Variants in TAF2 observed in about 807,000 individuals in gnomAD.
TAF2 encodes the protein TATA-box binding protein associated factor 2.
TAF2 carries 61 observed loss-of-function variants against 138.5 expected under a neutral mutation model. The observed-to-expected ratio is 0.44, with a 90% confidence interval of 0.36 to 0.54. The LOEUF (loss-of-function observed/expected upper bound fraction) is 0.54. Among genes scored for constraint, TAF2 ranks in the 20% least tolerant of loss-of-function variants. The pLI is 0.00. For synonymous variants in TAF2, 475 were observed against 469.9 expected (o/e 1.01, Z -0.14); for missense variants, 1,090 against 1,427.9 (o/e 0.76, Z 3.81).
In TAF2 at chr8:119,793,395, G is replaced by A. The variant is rs143518133; in HGVS notation, c.1248C>T (p.Pro416=). The change falls in exon 10 of 26, where the codon CCC becomes CCT. Residue 416 remains proline (P), a synonymous_variant. Transcript: ENST00000378164. ...ELKTGGVLLH[P]IFGGGKEKDN... ...CCTTCTCTTTTCCTCCACCAAATAT[G>A]GGATGTAGTAAAACCCCACCAGTTT... 4 of 1,612,676 alleles carry A rather than the reference G, an allele frequency of 2.5e-6. No homozygotes were observed. The African/African-American group carries it at 4.0e-5, about 16-fold the overall frequency.
At chr8:119,821,302 G>A (rs185350428) in intron 2 of TAF2, among the ~76,000 whole-genome samples, 121 of 152,216 alleles carry the variant, frequency 7.9e-4, no homozygotes, top group African/African-American at 2.8e-3. Flanking sequence ...CTCACTCCTT[G>A]CTTCTTGCTC....
At chr8:119,800,665 C>A (rs917056695) in intron 6 of TAF2, among the ~76,000 whole-genome samples, 2 of 152,134 alleles carry the variant, frequency 1.3e-5, no homozygotes, top group Admixed American at 1.3e-4. Context: ...ATTGTTAAGA[C>A]AACGTAAGCA....
At chr8:119,804,598 C>A (rs1824490447) in intron 4 of TAF2, among the ~76,000 whole-genome samples, 1 of 152,204 alleles carries the variant, frequency 6.6e-6, no homozygotes, top group South Asian at 2.1e-4. Flanking sequence ...TGGCAGCCAT[C>A]TGCATAAGAC....
chr8:119,779,591 G>T (rs1822502204), intron 17 of TAF2, among the ~76,000 whole-genome samples: 1 of 152,128 alleles, frequency 6.6e-6, no homozygotes, highest in African/African-American at 2.4e-5. Flanking sequence ...AGACTTCTTT[G>T]ATCACACCAT....
intron 25 of TAF2, among the ~76,000 whole-genome samples, chr8:119,738,025 T>C (rs1819346520): frequency 6.6e-6 from 1 of 151,958 alleles, no homozygotes; most frequent in African/African-American, 2.4e-5. Context: ...GCTCTTAAGT[T>C]TTCACTTATA....
intron 18 of TAF2, among the ~76,000 whole-genome samples, chr8:119,764,785 T>C (rs1002332981): frequency 2.6e-5 from 4 of 152,168 alleles, no homozygotes; most frequent in Non-Finnish European, 5.9e-5. Flanking sequence ...ATAAAACATC[T>C]TCCTCTTCCA....
At chr8:119,808,136 T>C (rs1824791744) in intron 3 of TAF2, among the ~76,000 whole-genome samples, 1 of 152,170 alleles carries the variant, frequency 6.6e-6, no homozygotes, top group Non-Finnish European at 1.5e-5. Flanking sequence ...AGGTAACAAC[T>C]ACAAAGCACA....
chr8:119,819,360 G>A lies in TAF2; in HGVS notation c.285C>T (p.His95=). 6.2e-7 allele frequency: 1 copy of A among 1,612,806 alleles called. No homozygotes were observed. The highest frequency in any genetic ancestry group is 1.1e-5 in the South Asian group (1 of 91,064). Residue 95 remains histidine (H), a synonymous_variant, in exon 3 of 26, where the codon CAC becomes CAT. Transcript: ENST00000378164. The part of the protein sequence containing the change: ...IYNDPTLEVC[H]SESKQRNLNY... Reference sequence around the variant, plus strand: ...GCATAACTTACTGTTTTGATTCACTGTGACAAACTTCCAAGGTTGGGTCAT... The same window carrying A: ...GCATAACTTACTGTTTTGATTCACTATGACAAACTTCCAAGGTTGGGTCAT...
chr8:119,752,675 C>G (rs950049802), intron 22 of TAF2, among the ~76,000 whole-genome samples: 2 of 152,170 alleles, frequency 1.3e-5, no homozygotes, highest in Admixed American at 1.3e-4. Context: ...CAATTTCTCT[C>G]TCGTTGAAAA....
chr8:119,736,925 G>A lies in TAF2; in HGVS notation c.3338-4739C>T, dbSNP rs993315902. Among the ~76,000 whole-genome samples the A allele has an allele frequency of 2.3e-4, 35 of 152,058 alleles. 1 individual carries two copies. Among genetic ancestry groups the A allele is most frequent in the African/African-American group, 7.7e-4 (32 of 41,410 alleles). On this transcript the variant is annotated intron_variant, in intron 25 of 25. Coordinates refer to ENST00000378164, the MANE Select transcript of TAF2 (RefSeq NM_003184.4). Reference sequence around the variant, plus strand: ...AATTAATAAAATACAGACTTGAAAAGCACAGAACAAAACCTAGTTTCTTTA... The same window carrying A: ...AATTAATAAAATACAGACTTGAAAAACACAGAACAAAACCTAGTTTCTTTA...
intron 18 of TAF2, among the ~76,000 whole-genome samples, chr8:119,772,259 A>G (rs1821894043): frequency 6.6e-6 from 1 of 152,226 alleles, no homozygotes; most frequent in Non-Finnish European, 1.5e-5. Flanking sequence ...TGGATTGAAC[A>G]AAGAAAATGT....
intron 25 of TAF2, among the ~76,000 whole-genome samples, chr8:119,738,183 G>A (rs16893071): frequency 0.46 from 70,290 of 151,546 alleles, 16,974 homozygotes; most frequent in African/African-American, 0.58. Context: ...ATGTACGTAT[G>A]TATGTTTTGC....
At chr8:119,736,544 A>T (rs936277623) in intron 25 of TAF2, among the ~76,000 whole-genome samples, 1 of 152,260 alleles carries the variant, frequency 6.6e-6, no homozygotes, top group African/African-American at 2.4e-5. Flanking sequence ...ACAACTCATT[A>T]CTTTGAAAAT....
intron 3 of TAF2, among the ~76,000 whole-genome samples, chr8:119,812,128 ACTGT>A (rs1042677577): frequency 2.6e-5 from 4 of 152,124 alleles, no homozygotes; most frequent in Admixed American, 6.5e-5. Context: ...TTGACACAAA[ACTGT>A]CTGTCAGGGA....
intron 16 of TAF2, 84 bp from the exon 17 acceptor site, chr8:119,781,277 T>C: frequency 6.8e-7 from 1 of 1,468,670 alleles, no homozygotes; most frequent in Non-Finnish European, 9.4e-7. Flanking sequence ...AAGTTATCAA[T>C]ACTACAACTG....
intron 6 of TAF2, among the ~76,000 whole-genome samples, chr8:119,798,874 C>A (rs1389158497): frequency 6.6e-6 from 1 of 152,070 alleles, no homozygotes; most frequent in Non-Finnish European, 1.5e-5. Context: ...TCATGATTAA[C>A]ACTCTGTTTG....
chr8:119,797,884 G>GA lies in TAF2; in HGVS notation c.793-39dup, dbSNP rs1262521176. 9.4e-6 allele frequency: 15 copies of GA among 1,599,046 alleles called. 1 individual carries two copies. The highest frequency in any genetic ancestry group is 1.3e-5 in the Non-Finnish European group (15 of 1,168,956). ...AGCAAGGAAGATCATCTAAATGAAA[G>GA]AGTTAAATTTAATATTGGAAATTTC... On this transcript the variant is annotated intron_variant, in intron 6 of 25. Coordinates refer to ENST00000378164, the MANE Select transcript of TAF2 (RefSeq NM_003184.4).
At chr8:119,779,280 A>ACACACT (rs1491045741) in intron 17 of TAF2, among the ~76,000 whole-genome samples, 44 of 150,832 alleles carry the variant, frequency 2.9e-4, no homozygotes, top group Admixed American at 1.9e-3. Context: ...ACACACACAC[A>ACACACT]CTTCAGATGC....
intron 14 of TAF2, among the ~76,000 whole-genome samples, chr8:119,786,480 C>T (rs1279590496): frequency 1.3e-5 from 2 of 151,928 alleles, no homozygotes; most frequent in Admixed American, 1.3e-4. Flanking sequence ...TACCTTCAAA[C>T]AAAATGAGGA....
Sources: gnomAD v4.1 joint callset for allele counts (sites outside exome capture counted in the v4.1 genomes callset) on GRCh38, gnomAD v4.1.1 for gene constraint, MANE v1.5 for transcripts, NCBI Gene and HGNC (gene_info 2026-07-23, HGNC 2026-07-21) for gene names.